The following CLTRN variants were observed in gnomAD, a reference collection of about 807,000 sequenced individuals.
CLTRN encodes collectrin, amino acid transport regulator, also known as collectrin.
A neutral mutation model predicts 14.5 loss-of-function variants in CLTRN; 12 were observed. The ratio of observed to expected loss-of-function variants is 0.83; its 90% confidence interval spans 0.53 to 1.34. The LOEUF (loss-of-function observed/expected upper bound fraction) is 1.34, where lower values mean the gene tolerates loss of function less well. CLTRN is among the 40% of genes most tolerant of loss of function. CLTRN has a pLI of 0.00. For synonymous variants in CLTRN, 58 were observed against 56.5 expected, an observed-to-expected ratio of 1.03 and a Z score of -0.12; for missense variants, 154 against 165.1, an observed-to-expected ratio of 0.93 and a Z score of 0.37.
At chrX:15,641,535 C>T (rs1272974396) in intron 4 of CLTRN, among the ~76,000 whole-genome samples, 5 of 110,649 alleles carry the variant, frequency 4.5e-5, no homozygotes, top group East Asian at 5.7e-4. Context: ...GAGACAGGAA[C>T]GATCATGGTT....
intron 5 of CLTRN, among the ~76,000 whole-genome samples, chrX:15,632,883 C>CAAAAAAA (rs758319942): frequency 2.3e-5 from 1 of 43,703 alleles, no homozygotes; most frequent in Non-Finnish European, 4.0e-5. Flanking sequence ...GACTCTGTCT[C>CAAAAAAA]AAAAAAAAAA....
intron 3 of CLTRN, among the ~76,000 whole-genome samples, chrX:15,655,301 G>A (rs748491494): frequency 4.4e-4 from 50 of 112,377 alleles, no homozygotes; most frequent in African/African-American, 1.2e-3. Context: ...TGGTTCCCCC[G>A]CTTTGAGAGG....
chrX:15,650,274 C>T (rs1009359282), intron 3 of CLTRN, among the ~76,000 whole-genome samples: 8 of 109,521 alleles, frequency 7.3e-5, no homozygotes, highest in Non-Finnish European at 1.3e-4. Context: ...CAGACATATA[C>T]ATACATATAA....
chrX:15,641,817 T>C (rs1272630538), intron 4 of CLTRN, among the ~76,000 whole-genome samples: 1 of 111,382 alleles, frequency 9.0e-6, no homozygotes, highest in Non-Finnish European at 1.9e-5. Context: ...ATAACCACAT[T>C]TGGCTGGTGG....
chrX:15,637,602 C>T (rs1176649917), intron 5 of CLTRN, among the ~76,000 whole-genome samples: 1 of 111,776 alleles, frequency 8.9e-6, no homozygotes, highest in Admixed American at 9.5e-5. Flanking sequence ...ATGCTACACA[C>T]CCAATTATTA....
intron 1 of CLTRN, among the ~76,000 whole-genome samples, chrX:15,670,507 T>C (rs1929698247): frequency 8.9e-6 from 1 of 111,956 alleles, no homozygotes; most frequent in African/African-American, 3.2e-5. Context: ...TTTGTATTAT[T>C]AATAATTTAT....
intron 1 of CLTRN, among the ~76,000 whole-genome samples, chrX:15,674,637 C>T (rs890367964): frequency 2.7e-5 from 3 of 112,738 alleles, no homozygotes; most frequent in African/African-American, 9.7e-5. Context: ...CAGAGATCCG[C>T]AGGCTCATTT....
intron 3 of CLTRN, among the ~76,000 whole-genome samples, chrX:15,645,822 A>T (rs1269422240): frequency 8.9e-6 from 1 of 112,766 alleles, no homozygotes; most frequent in Non-Finnish European, 1.9e-5. Flanking sequence ...TGCCAATGCT[A>T]AAACAAAACC....
chrX:15,648,809 CAA>C (rs112310736), intron 3 of CLTRN, among the ~76,000 whole-genome samples: 34 of 96,644 alleles, frequency 3.5e-4, no homozygotes, highest in Non-Finnish European at 6.1e-4. Flanking sequence ...GACTCCGTCT[CAA>C]AAAAAAAAAG....
At chrX:15,665,019 T>C (rs1199305550), upstream of CLTRN, 2 of 365,435 alleles carry the variant, frequency 5.5e-6, no homozygotes, top group East Asian at 9.4e-5. Flanking sequence ...CTACTCTGAC[T>C]CTACCTCAAA....
chrX:15,658,695 C>T (rs1339501123), intron 3 of CLTRN, among the ~76,000 whole-genome samples: 1 of 94,689 alleles, frequency 1.1e-5, no homozygotes, highest in African/African-American at 4.1e-5. Context: ...TCTTTGGTAT[C>T]TATCTGCAAG....
chrX:15,669,987 T>A (rs1468879951), intron 1 of CLTRN, among the ~76,000 whole-genome samples: 1 of 111,826 alleles, frequency 8.9e-6, no homozygotes, highest in Non-Finnish European at 1.9e-5. Flanking sequence ...AACTTCACAC[T>A]TTTTGCTGCT....
At chrX:15,671,205 G>T (rs537885520) in intron 1 of CLTRN, among the ~76,000 whole-genome samples, 1 of 111,592 alleles carries the variant, frequency 9.0e-6, no homozygotes, top group Non-Finnish European at 1.9e-5. Flanking sequence ...AAATGCTATA[G>T]GAACACTGGA....
chrX:15,656,524 A>G lies in CLTRN; in HGVS notation c.203+2492T>C, dbSNP rs1158221734. On this transcript the variant is annotated intron_variant, in intron 3 of 5. Coordinates refer to ENST00000380342, the MANE Select transcript of CLTRN (RefSeq NM_020665.6). ...GTCCCAAAACTTGGATCCTGAAGCTATCCTGGAAAGGAATATTTGCCACAC... is the reference window on the plus strand; with the variant it reads ...GTCCCAAAACTTGGATCCTGAAGCTGTCCTGGAAAGGAATATTTGCCACAC... Among the ~76,000 whole-genome samples the G allele has an allele frequency of 8.1e-5, 9 of 111,671 alleles. 1 individual carries two copies. In the Admixed American group the frequency reaches 8.6e-4, roughly 11 times the overall value.
chrX:15,646,532 C>G (rs1929077067), intron 3 of CLTRN: 8 of 328,909 alleles, frequency 2.4e-5, no homozygotes, highest in South Asian at 1.6e-4. Flanking sequence ...GCTCCCAGGT[C>G]CAGGAGAACT....
intron 5 of CLTRN, among the ~76,000 whole-genome samples, chrX:15,629,342 A>G (rs1192016208): frequency 9.0e-6 from 1 of 110,912 alleles, no homozygotes; most frequent in Non-Finnish European, 1.9e-5. Flanking sequence ...GATGACCGAG[A>G]TGGAATTCCT....
At chrX:15,643,294 C>A (rs1437062525) in intron 4 of CLTRN, among the ~76,000 whole-genome samples, 2 of 111,699 alleles carry the variant, frequency 1.8e-5, no homozygotes, top group African/African-American at 6.5e-5. Context: ...TTCACTCTAT[C>A]CTTCCTTTGT....
Position 15,630,459 on chromosome X carries a change from G to C in CLTRN, c.513-2332C>G, listed in dbSNP as rs192397561. On this transcript the variant is annotated intron_variant, in intron 5 of 5. Transcript: ENST00000380342. ...AATTTCTTGTATCTCTTGTATTTTA[G>C]GCTTTGCTGATGGTTTATTAAATAA... is the stretch of plus-strand genomic sequence containing the variant. Among the ~76,000 whole-genome samples the C allele has an allele frequency of 3.6e-5, 4 of 111,527 alleles. No homozygotes were observed. The Admixed American group carries it at 3.8e-4, about 11-fold the overall frequency.
upstream of CLTRN, among the ~76,000 whole-genome samples, chrX:15,666,576 C>T (rs937628982): frequency 1.8e-5 from 2 of 111,984 alleles, no homozygotes; most frequent in African/African-American, 6.5e-5. Context: ...TCCCTCCTTG[C>T]GAGGGTGGTA....
Sources: gnomAD v4.1 joint callset for allele counts (sites outside exome capture counted in the v4.1 genomes callset) on GRCh38, gnomAD v4.1.1 for gene constraint, MANE v1.5 for transcripts, NCBI Gene and HGNC (gene_info 2026-07-23, HGNC 2026-07-21) for gene names.